CNTN4: variants seen among roughly 807,000 people sequenced by gnomAD.
CNTN4 encodes contactin-4.
CNTN4 carries 77 observed loss-of-function variants against 122.5 expected under a neutral mutation model. The observed-to-expected ratio is 0.63, with a 90% CI of 0.52 to 0.76. The LOEUF is 0.76. Among genes scored for constraint, CNTN4 ranks in the 30% least tolerant of loss-of-function variants. CNTN4 has a pLI of 0.00. For synonymous variants in CNTN4, 512 were observed against 447.0 expected (o/e 1.15, Z -1.83); for missense variants, 1,256 against 1,259.1 (o/e 1.00, Z 0.04).
intron 23 of CNTN4, among the ~76,000 whole-genome samples, chr3:3,046,209 A>T (rs1187452161): frequency 3.9e-5 from 6 of 152,232 alleles, no homozygotes; most frequent in Non-Finnish European, 5.9e-5. Flanking sequence ...ACTCTGCAGG[A>T]TATTATCCAG....
At chr3:2,930,821 A>G (rs1577313719) in intron 13 of CNTN4, among the ~76,000 whole-genome samples, 1 of 152,350 alleles carries the variant, frequency 6.6e-6, no homozygotes, top group East Asian at 1.9e-4. Context: ...AAAAGGAGAC[A>G]TGAACCTAGC....
chr3:3,003,211 T>G (rs1366744834), intron 14 of CNTN4, among the ~76,000 whole-genome samples: 1 of 152,164 alleles, frequency 6.6e-6, no homozygotes. Flanking sequence ...TTTCAGTATA[T>G]AAAATGTTTT....
chr3:2,767,971 C>T (rs78223499), intron 6 of CNTN4, among the ~76,000 whole-genome samples: 139 of 152,302 alleles, frequency 9.1e-4, no homozygotes, highest in African/African-American at 3.0e-3. Flanking sequence ...GTTTGCCAAC[C>T]AAATGGTGAG....
intron 13 of CNTN4, among the ~76,000 whole-genome samples, chr3:2,943,815 G>A (rs956160450): frequency 2.6e-5 from 4 of 151,074 alleles, no homozygotes; most frequent in African/African-American, 7.3e-5. Flanking sequence ...GTAGAGATGG[G>A]GTTTCATCAT....
intron 6 of CNTN4, among the ~76,000 whole-genome samples, chr3:2,805,556 C>G (rs538542875): frequency 6.6e-6 from 1 of 152,256 alleles, no homozygotes; most frequent in South Asian, 2.1e-4. Context: ...TTGAGTAACT[C>G]TCTTAAACTC....
At chr3:2,859,566 C>T (rs1484765899) in intron 7 of CNTN4, among the ~76,000 whole-genome samples, 1 of 151,492 alleles carries the variant, frequency 6.6e-6, no homozygotes, top group African/African-American at 2.4e-5. Flanking sequence ...TGACTTCTTC[C>T]CTTGCAGGAT....
chr3:2,582,293 A>T (rs759270087), intron 4 of CNTN4, among the ~76,000 whole-genome samples: 15 of 152,232 alleles, frequency 9.9e-5, no homozygotes, highest in Non-Finnish European at 1.9e-4. Context: ...TTACATAATT[A>T]TAGTCCTATC....
chr3:2,507,734 C>CAAAAA (rs34779120), intron 3 of CNTN4, among the ~76,000 whole-genome samples: 1 of 108,806 alleles, frequency 9.2e-6, no homozygotes, highest in Non-Finnish European at 1.9e-5. Context: ...GACTTTGTCT[C>CAAAAA]AAAAAAAAAA....
intron 2 of CNTN4, among the ~76,000 whole-genome samples, chr3:2,324,318 T>C (rs1224580314): frequency 6.6e-6 from 1 of 152,042 alleles, no homozygotes; most frequent in Non-Finnish European, 1.5e-5. Flanking sequence ...TCCCATGGCA[T>C]TGCTTCTTGT....
At position 2,295,648 on chromosome 3, in the gene CNTN4, G is replaced by A. The variant is rs568034339; in HGVS notation, c.-144-43530G>A. Among the ~76,000 whole-genome samples the A allele has an allele frequency of 5.9e-5, 9 of 152,076 alleles. No individual in the cohort carries two copies. In the East Asian group the frequency reaches 1.7e-3, roughly 29 times the overall value. On this transcript the variant is annotated intron_variant, in intron 2 of 24. Transcript: ENST00000418658. ...TAGGTTGCCTGTTCACTCTGATGGT[G>A]GTTTCTTTTACTGTGCAGAGGTCTT...
intron 2 of CNTN4, among the ~76,000 whole-genome samples, chr3:2,304,794 G>A (rs2042644617): frequency 6.7e-6 from 1 of 150,160 alleles, no homozygotes; most frequent in African/African-American, 2.4e-5. Flanking sequence ...TTTTTCCATT[G>A]TAATTTATGT....
At chr3:2,246,146 A>G (rs989770115) in intron 2 of CNTN4, among the ~76,000 whole-genome samples, 2 of 151,944 alleles carry the variant, frequency 1.3e-5, no homozygotes, top group African/African-American at 4.8e-5. Flanking sequence ...GTTTAATAGC[A>G]CTGATGTGTT....
chr3:2,501,441 G>T (rs2076592004), intron 3 of CNTN4, among the ~76,000 whole-genome samples: 1 of 152,160 alleles, frequency 6.6e-6, no homozygotes, highest in Non-Finnish European at 1.5e-5. Flanking sequence ...CTATTCTGCA[G>T]GCCAGAAGTC....
At chr3:2,424,229 C>G (rs78724997) in intron 3 of CNTN4, among the ~76,000 whole-genome samples, 2 of 125,436 alleles carry the variant, frequency 1.6e-5, no homozygotes, top group Admixed American at 8.0e-5. Flanking sequence ...CTCCACCCTA[C>G]AGCAGGCCCT....
At chr3:2,913,727 A>C (rs1003627829) in intron 12 of CNTN4, among the ~76,000 whole-genome samples, 1 of 152,218 alleles carries the variant, frequency 6.6e-6, no homozygotes, top group Admixed American at 6.5e-5. Flanking sequence ...TTGATACTCT[A>C]TTTTCAATCA....
chr3:2,616,606 G>A (rs2081751131), intron 4 of CNTN4, among the ~76,000 whole-genome samples: 2 of 152,132 alleles, frequency 1.3e-5, no homozygotes, highest in South Asian at 4.1e-4. Flanking sequence ...CAGTATAAAA[G>A]CATTCCTATT....
intron 7 of CNTN4, among the ~76,000 whole-genome samples, chr3:2,820,838 G>A (rs574841284): frequency 2.6e-5 from 4 of 151,054 alleles, no homozygotes; most frequent in South Asian, 2.1e-4. Flanking sequence ...TAGAATCTAC[G>A]ATCACTTTGT....
intron 3 of CNTN4, among the ~76,000 whole-genome samples, chr3:2,363,937 C>G (rs1216200523): frequency 1.3e-5 from 2 of 152,094 alleles, no homozygotes; most frequent in Non-Finnish European, 2.9e-5. Flanking sequence ...TAAATAATGC[C>G]TATTGCATAT....
At chr3:2,300,152 G>A (rs2042451924) in intron 2 of CNTN4, among the ~76,000 whole-genome samples, 1 of 152,144 alleles carries the variant, frequency 6.6e-6, no homozygotes, top group Non-Finnish European at 1.5e-5. Flanking sequence ...CAAGAGCAGA[G>A]TTATTTTATA....
Sources: gnomAD v4.1 joint callset for allele counts (sites outside exome capture counted in the v4.1 genomes callset) on GRCh38, gnomAD v4.1.1 for gene constraint, MANE v1.5 for transcripts, NCBI Gene and HGNC (gene_info 2026-07-23, HGNC 2026-07-21) for gene names.